Variants in TCF12 observed in about 807,000 individuals in gnomAD.
TCF12 encodes transcription factor 12, also known as DNA-binding protein HTF4.
In TCF12, 45 loss-of-function variants were observed where a neutral mutation model predicts 86.0. The ratio of observed to expected loss-of-function variants is 0.52; its 90% CI spans 0.41 to 0.67. TCF12 has a LOEUF of 0.67. Ranked by LOEUF, TCF12 falls within the 30% of genes least tolerant of loss-of-function variation. TCF12 has a pLI of 0.00. For synonymous variants in TCF12, 330 were observed against 299.6 expected, an observed-to-expected ratio of 1.10 and a Z score of -1.05; for missense variants, 881 against 859.9, an observed-to-expected ratio of 1.02 and a Z score of -0.31.
At chr15:57,233,037 A>ATGTTATATATGTATATG (rs1253471387) in intron 11 of TCF12, among the ~76,000 whole-genome samples, 181 bp downstream of exon 11, 1 of 142,202 alleles carries the variant, frequency 7.0e-6, no homozygotes. Flanking sequence ...GTGTGTATAT[A>ATGTTATATATGTATATG]TGTTATATAT....
intron 12 of TCF12, among the ~76,000 whole-genome samples, chr15:57,242,948 A>G (rs1218792410): frequency 2.0e-5 from 3 of 152,238 alleles, no homozygotes; most frequent in Non-Finnish European, 4.4e-5. Flanking sequence ...TACAACACTC[A>G]ATCATTTGGA....
At chr15:57,259,014 AG>A (rs1230174257) in intron 16 of TCF12, among the ~76,000 whole-genome samples, 1 of 152,186 alleles carries the variant, frequency 6.6e-6, no homozygotes. Flanking sequence ...TCAACTGAAT[AG>A]AAAGATTTTA....
chr15:57,193,144 G>A (rs956054709), intron 7 of TCF12, among the ~76,000 whole-genome samples: 2 of 152,070 alleles, frequency 1.3e-5, no homozygotes, highest in African/African-American at 4.8e-5. Context: ...AAAAACTGAG[G>A]GTCAAAAGGG....
chr15:57,011,722 C>A (rs1218568794), intron 3 of TCF12, among the ~76,000 whole-genome samples: 3 of 152,020 alleles, frequency 2.0e-5, no homozygotes, highest in African/African-American at 7.3e-5. Context: ...ATTACAGGAC[C>A]CCCCAGTCTT....
chr15:57,043,767 G>A (rs1372536070), intron 3 of TCF12, among the ~76,000 whole-genome samples: 1 of 152,082 alleles, frequency 6.6e-6, no homozygotes, highest in African/African-American at 2.4e-5. Flanking sequence ...TCCATTGATT[G>A]TTTTTGGTTT....
chr15:57,179,822 T>G (rs1181723202), intron 6 of TCF12, among the ~76,000 whole-genome samples: 1 of 152,156 alleles, frequency 6.6e-6, no homozygotes, highest in Non-Finnish European at 1.5e-5. Context: ...AATTAATATA[T>G]TGTCCAAAGT....
chr15:57,191,929 A>G (rs2057000454), intron 6 of TCF12, among the ~76,000 whole-genome samples: 1 of 151,754 alleles, frequency 6.6e-6, no homozygotes, highest in African/African-American at 2.4e-5. Flanking sequence ...GTGAGACTCC[A>G]TCTCAGAAAA....
At chr15:57,275,170 G>C (rs778492619) in intron 19 of TCF12, among the ~76,000 whole-genome samples, 1 of 152,190 alleles carries the variant, frequency 6.6e-6, no homozygotes, top group Non-Finnish European at 1.5e-5. Context: ...CTCTTTGACT[G>C]ATGAGAGTTT....
intron 6 of TCF12, among the ~76,000 whole-genome samples, chr15:57,189,570 A>T (rs910836494): frequency 6.6e-6 from 1 of 152,230 alleles, no homozygotes; most frequent in Admixed American, 6.5e-5. Flanking sequence ...GATGGCTGTA[A>T]TTTAAAAAGC....
At chr15:56,928,347 T>C (rs1219570138) in intron 3 of TCF12, among the ~76,000 whole-genome samples, 1 of 152,196 alleles carries the variant, frequency 6.6e-6, no homozygotes, top group Non-Finnish European at 1.5e-5. Flanking sequence ...CTAGTGATTA[T>C]ATTAGAAATC....
At chr15:57,208,582 A>T (rs1051563446) in intron 8 of TCF12, among the ~76,000 whole-genome samples, 2 of 151,080 alleles carry the variant, frequency 1.3e-5, no homozygotes, top group East Asian at 3.9e-4. Context: ...ACAGGGTTTC[A>T]TCTTGTTGCC....
intron 19 of TCF12, among the ~76,000 whole-genome samples, chr15:57,277,492 G>C (rs1353997506): frequency 6.6e-6 from 1 of 151,742 alleles, no homozygotes; most frequent in Non-Finnish European, 1.5e-5. Flanking sequence ...AGCTGGGTGG[G>C]GTGGCGTGCG....
intron 5 of TCF12, among the ~76,000 whole-genome samples, chr15:57,106,701 A>G (rs111846190): frequency 0.041 from 6,283 of 152,342 alleles, 364 homozygotes; most frequent in African/African-American, 0.13. Flanking sequence ...CAAAATATAT[A>G]AAGAACTTCT....
At chr15:57,225,029 C>A (rs117849722) in intron 8 of TCF12, among the ~76,000 whole-genome samples, 1 of 151,878 alleles carries the variant, frequency 6.6e-6, no homozygotes, top group Admixed American at 6.6e-5. Context: ...TCAAATCTGT[C>A]ATTTGTTGAA....
At chr15:57,011,693 A>G (rs1214704643) in intron 3 of TCF12, among the ~76,000 whole-genome samples, 1 of 152,032 alleles carries the variant, frequency 6.6e-6, no homozygotes, top group Admixed American at 6.5e-5. Context: ...GCAGACACCA[A>G]AACAGTCCTG....
At chr15:57,105,224 A>G (rs1011947700) in intron 5 of TCF12, among the ~76,000 whole-genome samples, 3 of 152,008 alleles carry the variant, frequency 2.0e-5, no homozygotes, top group Non-Finnish European at 4.4e-5. Flanking sequence ...TTAGCTTTCA[A>G]ATTCTAACAC....
chr15:57,042,429 A>G lies in TCF12; in HGVS notation c.149-21321A>G, dbSNP rs529519288. The stretch of plus-strand genomic sequence containing the variant: ...AAACGTGATTTTCCTGCTCTAATAT[A>G]TATAGACAAAGTCTTAACTCTGTTG... On this transcript the variant is annotated intron_variant, in intron 3 of 20. Coordinates refer to ENST00000333725, the MANE Select transcript of TCF12 (RefSeq NM_207037.2). 1.9e-3 allele frequency among the ~76,000 whole-genome samples: 292 copies of G among 152,040 alleles called. 1 individual carries two copies. Among genetic ancestry groups the G allele is most frequent in the African/African-American group, 6.8e-3 (282 of 41,460 alleles).
intron 20 of TCF12, among the ~76,000 whole-genome samples, chr15:57,284,151 A>G (rs1184657127): frequency 6.6e-6 from 1 of 152,150 alleles, no homozygotes; most frequent in Non-Finnish European, 1.5e-5. Flanking sequence ...TTTTGCTTCA[A>G]AAATAAACTT....
chr15:56,940,529 TCTC>T (rs2060695371), intron 3 of TCF12, among the ~76,000 whole-genome samples: 1 of 141,580 alleles, frequency 7.1e-6, no homozygotes. Context: ...TCCTTCTTCT[TCTC>T]CTTCTTCTCC....
Sources: allele counts gnomAD v4.1 joint callset (sites outside exome capture counted in the v4.1 genomes callset), GRCh38; gene constraint gnomAD v4.1.1; transcripts MANE v1.5; gene names NCBI Gene and HGNC (gene_info 2026-07-23, HGNC 2026-07-21).